Variants in ZFAND3 observed in about 807,000 individuals in gnomAD.
ZFAND3 encodes AN1-type zinc finger protein 3.
ZFAND3 carries 10 observed loss-of-function variants against 29.6 expected under a neutral mutation model. That is an observed-to-expected ratio of 0.34 (90% confidence interval 0.21 to 0.57). ZFAND3 has a LOEUF of 0.57. ZFAND3 is among the 20% of genes least tolerant of loss of function. The probability of loss-of-function intolerance (pLI) is 0.86; values close to 1 mark genes in which losing one functional copy is unlikely to be tolerated. For synonymous variants in ZFAND3, 128 were observed against 112.6 expected (o/e 1.14, Z -0.87); for missense variants, 230 against 304.5 (o/e 0.76, Z 1.82).
chr6:37,897,628 T>C (rs1314464370), intron 1 of ZFAND3, among the ~76,000 whole-genome samples: 1 of 152,228 alleles, frequency 6.6e-6, no homozygotes, highest in Non-Finnish European at 1.5e-5. Flanking sequence ...AGTATTTCAG[T>C]GTTCCACACC....
chr6:38,009,843 GTTACA>G (rs1763115495), intron 2 of ZFAND3, among the ~76,000 whole-genome samples: 1 of 152,170 alleles, frequency 6.6e-6, no homozygotes, highest in Non-Finnish European at 1.5e-5. Context: ...ATAGGTTAGA[GTTACA>G]TTACATTCTT....
intron 2 of ZFAND3, among the ~76,000 whole-genome samples, chr6:38,018,043 TA>T (rs1488362321): frequency 1.3e-4 from 20 of 152,212 alleles, no homozygotes; most frequent in Non-Finnish European, 2.5e-4. Context: ...AAAATGACAT[TA>T]TACTATCACA....
intron 2 of ZFAND3, among the ~76,000 whole-genome samples, chr6:37,958,734 GCC>G (rs560716487): frequency 2.0e-5 from 3 of 150,324 alleles, no homozygotes; most frequent in African/African-American, 7.4e-5. Context: ...TTTCAGGACC[GCC>G]CCCCCCTTCC....
intron 1 of ZFAND3, among the ~76,000 whole-genome samples, chr6:37,826,317 A>G (rs574385679): frequency 7.9e-5 from 12 of 152,226 alleles, no homozygotes; most frequent in Admixed American, 3.3e-4. Context: ...ATGTTACTCA[A>G]TTTTTCTAGG....
At chr6:38,054,218 CAAA>C (rs34198332) in intron 2 of ZFAND3, among the ~76,000 whole-genome samples, 7 of 112,036 alleles carry the variant, frequency 6.2e-5, no homozygotes, top group African/African-American at 1.4e-4. Context: ...CCATCTCTAT[CAAA>C]AAAAAAAAAA....
chr6:38,048,636 T>TAAAAAAAAAAAAAAAAAAAAA (rs1763958412), intron 2 of ZFAND3, among the ~76,000 whole-genome samples: 1 of 39,018 alleles, frequency 2.6e-5, no homozygotes, highest in Non-Finnish European at 5.6e-5. Context: ...AAAAAAAAAT[T>TAAAAAAAAAAAAAAAAAAAAA]CAATGCCTGT....
chr6:37,952,216 TAGAATCTGTTAGGGA>T (rs1183565969), intron 2 of ZFAND3, among the ~76,000 whole-genome samples: 1 of 152,168 alleles, frequency 6.6e-6, no homozygotes, highest in Admixed American at 6.5e-5. Flanking sequence ...GCTGACCTCA[TAGAATCTGTTAGGGA>T]AGAGTCCCTC....
intron 5 of ZFAND3, among the ~76,000 whole-genome samples, chr6:38,135,601 C>T (rs974984858): frequency 6.6e-6 from 1 of 152,126 alleles, no homozygotes; most frequent in African/African-American, 2.4e-5. Flanking sequence ...AAAAATTAGC[C>T]AGGTGTGGTG....
intron 2 of ZFAND3, among the ~76,000 whole-genome samples, chr6:38,018,623 A>G (rs73417971): frequency 0.068 from 10,380 of 152,028 alleles, 426 homozygotes; most frequent in Non-Finnish European, 0.087. Flanking sequence ...ATCGGTACCA[A>G]TGCTCATTCT....
intron 3 of ZFAND3, 92 bp downstream of exon 3, chr6:38,061,867 ACTT>A: frequency 7.0e-7 from 1 of 1,422,040 alleles, no homozygotes; most frequent in Non-Finnish European, 9.4e-7. Flanking sequence ...AAAAAACAGC[ACTT>A]CTTTTAATTC....
intron 5 of ZFAND3, among the ~76,000 whole-genome samples, chr6:38,144,620 T>G (rs1344699093): frequency 6.6e-6 from 1 of 152,200 alleles, no homozygotes; most frequent in Non-Finnish European, 1.5e-5. Context: ...TCCCCAAGGC[T>G]CATCAGTATT....
At chr6:37,944,880 T>C (rs1761873467) in intron 2 of ZFAND3, among the ~76,000 whole-genome samples, 2 of 152,144 alleles carry the variant, frequency 1.3e-5, no homozygotes, top group South Asian at 4.1e-4. Flanking sequence ...AAATGAAAAG[T>C]ACATGCTCAA....
intron 2 of ZFAND3, among the ~76,000 whole-genome samples, chr6:37,960,210 A>G (rs1191562389): frequency 6.6e-6 from 1 of 152,156 alleles, no homozygotes; most frequent in East Asian, 1.9e-4. Flanking sequence ...GTAAAACCAC[A>G]CTGAGCTGGT....
chr6:38,037,120 G>A (rs1298036898), intron 2 of ZFAND3, among the ~76,000 whole-genome samples: 3 of 152,160 alleles, frequency 2.0e-5, no homozygotes, highest in Non-Finnish European at 2.9e-5. Context: ...CATTCTTTGA[G>A]CTACTCAATC....
chr6:37,823,620 TG>T (rs1262211956), intron 1 of ZFAND3, among the ~76,000 whole-genome samples: 1 of 152,156 alleles, frequency 6.6e-6, no homozygotes, highest in Non-Finnish European at 1.5e-5. Context: ...TTGTAACACG[TG>T]GTTCCAGTTC....
At chr6:37,919,415 G>A (rs140539198) in intron 1 of ZFAND3, among the ~76,000 whole-genome samples, 1 of 152,204 alleles carries the variant, frequency 6.6e-6, no homozygotes, top group Non-Finnish European at 1.5e-5. Context: ...CTCCATGTCT[G>A]CACAGACATC....
intron 4 of ZFAND3, among the ~76,000 whole-genome samples, chr6:38,096,601 C>T (rs1465336704): frequency 3.9e-5 from 6 of 152,170 alleles, no homozygotes; most frequent in East Asian, 3.8e-4. Context: ...CCTTCTTCAG[C>T]GCTGGAACTC....
chr6:38,002,290 T>TC (rs1221033271), intron 2 of ZFAND3, among the ~76,000 whole-genome samples: 129 of 151,528 alleles, frequency 8.5e-4, no homozygotes, highest in African/African-American at 2.9e-3. Context: ...CTTTTCTTTT[T>TC]TTTTTTTTTT....
intron 2 of ZFAND3, among the ~76,000 whole-genome samples, chr6:38,018,882 A>T (rs891542232): frequency 1.3e-5 from 2 of 152,148 alleles, no homozygotes; most frequent in Non-Finnish European, 2.9e-5. Flanking sequence ...GTAGAGGTTG[A>T]AATAATTTAC....
Sources: allele counts gnomAD v4.1 joint callset (sites outside exome capture counted in the v4.1 genomes callset), GRCh38; gene constraint gnomAD v4.1.1; transcripts MANE v1.5; gene names NCBI Gene and HGNC (gene_info 2026-07-23, HGNC 2026-07-21).